The following LYPD6B variants were observed in gnomAD, a reference collection of about 807,000 sequenced individuals.
LYPD6B encodes the protein ly6/PLAUR domain-containing protein 6B.
In LYPD6B, 17 loss-of-function variants were observed where a neutral mutation model predicts 22.8. The ratio of observed to expected loss-of-function variants is 0.75; its 90% CI spans 0.51 to 1.12. The LOEUF (loss-of-function observed/expected upper bound fraction) is 1.12. Among genes scored for constraint, LYPD6B ranks in the 50% most tolerant of loss-of-function variants. LYPD6B has a pLI of 0.00. For missense variants in LYPD6B, 221 were observed against 258.3 expected, an observed-to-expected ratio of 0.86 and a Z score of 0.99; for synonymous variants, 106 against 91.6, an observed-to-expected ratio of 1.16 and a Z score of -0.90.
intron 3 of LYPD6B, among the ~76,000 whole-genome samples, chr2:149,192,287 T>C (rs558584769): frequency 3.1e-4 from 47 of 152,234 alleles, no homozygotes; most frequent in African/African-American, 1.0e-3. Flanking sequence ...AACGACATAT[T>C]TTTGTCGGGA....
intron 3 of LYPD6B, among the ~76,000 whole-genome samples, chr2:149,190,820 G>A (rs528172873): frequency 6.6e-6 from 1 of 152,148 alleles, no homozygotes; most frequent in East Asian, 1.9e-4. Flanking sequence ...AATGTGATAG[G>A]AGTTGAAAAT....
rs553541629 is a variant in LYPD6B at position 149,125,236 on chromosome 2, A to T, written c.-66-5647A>T. 5.3e-5 allele frequency among the ~76,000 whole-genome samples: 8 copies of T among 152,312 alleles called. No individual in the cohort carries two copies. The South Asian group carries it at 1.7e-3, about 32-fold the overall frequency. On this transcript the variant is annotated intron_variant, in intron 1 of 6. Transcript: ENST00000409642. ...TCACTAATCTCCAACCCTGTTTGCC[A>T]AAGTCAAACAACGCCTGGCCCCGAC...
At chr2:149,160,423 G>T (rs765328517) in intron 2 of LYPD6B, 1 of 471,470 alleles carries the variant, frequency 2.1e-6, no homozygotes, top group Non-Finnish European at 4.2e-6. Context: ...TGCCAGTGTT[G>T]TAGAGAGTTC....
At chr2:149,051,717 G>T (rs561844548) in intron 1 of LYPD6B, among the ~76,000 whole-genome samples, 16 of 152,074 alleles carry the variant, frequency 1.1e-4, no homozygotes, top group African/African-American at 3.6e-4. Flanking sequence ...CGAGACTGAA[G>T]TGCAGTGGTG....
At chr2:149,155,625 C>T (rs1357900570) in intron 2 of LYPD6B, among the ~76,000 whole-genome samples, 1 of 152,234 alleles carries the variant, frequency 6.6e-6, no homozygotes, top group Non-Finnish European at 1.5e-5. Context: ...TCTAATGGAT[C>T]TGGAACATGA....
intron 2 of LYPD6B, among the ~76,000 whole-genome samples, chr2:149,140,716 G>A (rs1688644075): frequency 6.6e-6 from 1 of 152,098 alleles, no homozygotes; most frequent in Admixed American, 6.5e-5. Flanking sequence ...TTTATGATTG[G>A]GTCACCAAGG....
chr2:149,190,360 A>G (rs1470590923), intron 3 of LYPD6B, among the ~76,000 whole-genome samples: 3 of 152,182 alleles, frequency 2.0e-5, no homozygotes, highest in African/African-American at 7.2e-5. Flanking sequence ...GACATTTACT[A>G]TTACACACAG....
intron 1 of LYPD6B, among the ~76,000 whole-genome samples, chr2:149,088,285 T>C (rs1685493539): frequency 6.6e-6 from 1 of 152,202 alleles, no homozygotes; most frequent in Admixed American, 6.5e-5. Context: ...GATTTAGGGA[T>C]GTTTTCTTAA....
intron 1 of LYPD6B, among the ~76,000 whole-genome samples, chr2:149,128,049 T>A (rs1687803929): frequency 6.6e-6 from 1 of 152,198 alleles, no homozygotes. Flanking sequence ...ATTCAACTCG[T>A]TTAAAAGATG....
intron 1 of LYPD6B, among the ~76,000 whole-genome samples, chr2:149,070,278 G>C (rs990648143): frequency 3.9e-5 from 6 of 152,074 alleles, no homozygotes; most frequent in East Asian, 1.9e-4. Flanking sequence ...AACCTAGAAG[G>C]CTGGCTTTCT....
chr2:149,204,651 G>A (rs896612571), intron 3 of LYPD6B: 7 of 154,414 alleles, frequency 4.5e-5, no homozygotes, highest in African/African-American at 9.6e-5. Context: ...AGAAACAGGA[G>A]GGGCTGGCAG....
chr2:149,061,537 G>A (rs1270151376), intron 1 of LYPD6B, among the ~76,000 whole-genome samples: 2 of 152,074 alleles, frequency 1.3e-5, no homozygotes, highest in Non-Finnish European at 2.9e-5. Context: ...ACAAATGCTG[G>A]GAGAAAGGAC....
intron 3 of LYPD6B, among the ~76,000 whole-genome samples, chr2:149,180,970 G>A (rs754238869): frequency 2.6e-5 from 4 of 152,190 alleles, no homozygotes; most frequent in Non-Finnish European, 5.9e-5. Context: ...CTGTGGCTGG[G>A]GATGGACTAG....
At chr2:149,208,818 C>G (rs2106162300) in intron 5 of LYPD6B, among the ~76,000 whole-genome samples, 1 of 152,206 alleles carries the variant, frequency 6.6e-6, no homozygotes, top group African/African-American at 2.4e-5. Flanking sequence ...CAGATATATC[C>G]CAGTGCCTAA....
At chr2:149,039,073 G>A (rs1308615836) in intron 1 of LYPD6B, among the ~76,000 whole-genome samples, 2 of 152,010 alleles carry the variant, frequency 1.3e-5, no homozygotes, top group African/African-American at 4.8e-5. Context: ...CAAGGCTGGA[G>A]CGGTGTGGGT....
chr2:149,040,788 C>T (rs963009773), intron 1 of LYPD6B, among the ~76,000 whole-genome samples: 2 of 152,258 alleles, frequency 1.3e-5, no homozygotes, highest in African/African-American at 4.8e-5. Context: ...GCCTGAGGGC[C>T]GTATTCCATC....
intron 1 of LYPD6B, among the ~76,000 whole-genome samples, chr2:149,090,109 G>A (rs1293549570): frequency 6.6e-6 from 1 of 152,144 alleles, no homozygotes; most frequent in Non-Finnish European, 1.5e-5. Flanking sequence ...ATTTCTCTCT[G>A]TGTGTCTTTC....
intron 2 of LYPD6B, among the ~76,000 whole-genome samples, chr2:149,142,888 T>A (rs1688779777): frequency 6.6e-6 from 1 of 152,198 alleles, no homozygotes; most frequent in Non-Finnish European, 1.5e-5. Context: ...ATTGTATTCT[T>A]TAGGGAGTAA....
intron 2 of LYPD6B, among the ~76,000 whole-genome samples, chr2:149,146,270 T>C (rs928202634): frequency 6.6e-6 from 1 of 151,928 alleles, no homozygotes; most frequent in East Asian, 1.9e-4. Flanking sequence ...GAGTTAATCA[T>C]GGTGAGAGAG....
Sources: gnomAD v4.1 joint callset for allele counts (sites outside exome capture counted in the v4.1 genomes callset) on GRCh38, gnomAD v4.1.1 for gene constraint, MANE v1.5 for transcripts, NCBI Gene and HGNC (gene_info 2026-07-23, HGNC 2026-07-21) for gene names.